The following LPP variants were observed in gnomAD, a reference collection of about 807,000 sequenced individuals.
The protein encoded by LPP is LIM domain containing preferred translocation partner in lipoma.
A neutral mutation model predicts 60.4 loss-of-function variants in LPP; 38 were observed. The ratio of observed to expected loss-of-function variants is 0.63; its 90% CI spans 0.49 to 0.83. The LOEUF (loss-of-function observed/expected upper bound fraction) is 0.83. LPP is among the 40% of genes least tolerant of loss of function. The pLI, the probability that LPP is intolerant of heterozygous loss-of-function variation, is 0.00. For missense variants in LPP, 902 were observed against 783.6 expected (o/e 1.15, Z -1.80); for synonymous variants, 328 against 290.8 (o/e 1.13, Z -1.30).
At chr3:188,566,614 G>T (rs920591019) in intron 6 of LPP, among the ~76,000 whole-genome samples, 1 of 151,794 alleles carries the variant, frequency 6.6e-6, no homozygotes, top group Non-Finnish European at 1.5e-5. Flanking sequence ...TTTCTGCTTA[G>T]TTCAAAAAGC....
intron 1 of LPP, among the ~76,000 whole-genome samples, chr3:188,193,078 G>A (rs921987186): frequency 1.3e-5 from 2 of 152,146 alleles, no homozygotes; most frequent in Non-Finnish European, 2.9e-5. Flanking sequence ...TTGTGACAGG[G>A]CTTTCTTAGA....
chr3:188,669,677 C>A (rs1856567446), intron 7 of LPP, among the ~76,000 whole-genome samples: 1 of 152,140 alleles, frequency 6.6e-6, no homozygotes, highest in African/African-American at 2.4e-5. Context: ...GGAGTTCAAC[C>A]ATTGTGGAAG....
At chr3:188,520,410 T>C (rs1818554088) in intron 5 of LPP, among the ~76,000 whole-genome samples, 1 of 152,208 alleles carries the variant, frequency 6.6e-6, no homozygotes, top group African/African-American at 2.4e-5. Context: ...GGGCCTTCTC[T>C]GCAACCATTT....
chr3:188,576,592 CAG>C (rs1252305912), intron 6 of LPP, among the ~76,000 whole-genome samples: 1 of 152,130 alleles, frequency 6.6e-6, no homozygotes, highest in East Asian at 1.9e-4. Context: ...ACCAAGTCAC[CAG>C]AGTCTCAGGG....
rs1033533229 is a variant in LPP at position 188,879,553 on chromosome 3, T to C, written c.*5074T>C. On this transcript the variant is annotated 3_prime_UTR_variant, in exon 12 of 12. Coordinates refer to ENST00000617246, the MANE Select transcript of LPP (RefSeq NM_001375462.1). ...TTTCATCAGGGACTGAGGTCATAGATTCTTGGAAAATTCATTTGTGACTGA... is the reference window on the plus strand; with the variant it reads ...TTTCATCAGGGACTGAGGTCATAGACTCTTGGAAAATTCATTTGTGACTGA... 3 of 193,128 alleles carry C rather than the reference T, an allele frequency of 1.6e-5. No individual in the cohort carries two copies. The highest frequency in any genetic ancestry group is 4.6e-5 in the African/African-American group (2 of 43,152). The allele number at this position is 193,128 out of a possible 1,614,324, so 12.0% of individuals were successfully genotyped here.
intron 7 of LPP, among the ~76,000 whole-genome samples, chr3:188,661,564 T>TTATTTGCC (rs1258669088): frequency 1.3e-5 from 2 of 152,224 alleles, no homozygotes; most frequent in Non-Finnish European, 2.9e-5. Context: ...GCTTATTTGC[T>TTATTTGCC]TATTTGCCAT....
intron 1 of LPP, among the ~76,000 whole-genome samples, chr3:188,206,074 A>C (rs1002812523): frequency 6.6e-6 from 1 of 152,314 alleles, no homozygotes; most frequent in East Asian, 1.9e-4. Flanking sequence ...ACGAGTCACG[A>C]GATGTGACGG....
chr3:188,404,843 GCGTCCCT>G (rs979786944), intron 3 of LPP, among the ~76,000 whole-genome samples: 3 of 152,168 alleles, frequency 2.0e-5, no homozygotes, highest in African/African-American at 7.2e-5. Flanking sequence ...TGCCTTCCGG[GCGTCCCT>G]GTGCTGGAGA....
intron 1 of LPP, among the ~76,000 whole-genome samples, chr3:188,161,290 G>A (rs1718186500): frequency 6.6e-6 from 1 of 152,202 alleles, no homozygotes; most frequent in Admixed American, 6.5e-5. Flanking sequence ...TTAGAAGGCT[G>A]CTGAAGTATT....
intron 4 of LPP, among the ~76,000 whole-genome samples, chr3:188,406,897 A>C (rs918348957): frequency 6.6e-6 from 1 of 152,172 alleles, no homozygotes; most frequent in African/African-American, 2.4e-5. Flanking sequence ...CAATGCATTC[A>C]GTTTACATCA....
At chr3:188,616,589 GT>G (rs71169013) in intron 7 of LPP, among the ~76,000 whole-genome samples, 148,227 of 152,026 alleles carry the variant, frequency 0.98, 72,360 homozygotes, top group South Asian at 1. Flanking sequence ...ATTTCTATGG[GT>G]TTTTTTTCAT....
intron 6 of LPP, among the ~76,000 whole-genome samples, chr3:188,589,186 A>G (rs1292583830): frequency 1.3e-5 from 2 of 151,996 alleles, no homozygotes; most frequent in East Asian, 1.9e-4. Context: ...TTGAGTGTAC[A>G]TGATGTGGTT....
chr3:188,798,869 A>T (rs1316477716), intron 9 of LPP, among the ~76,000 whole-genome samples: 5 of 152,224 alleles, frequency 3.3e-5, no homozygotes, highest in Admixed American at 6.5e-5. Flanking sequence ...AAACTTTATG[A>T]ACTCTGTCAC....
intron 4 of LPP, among the ~76,000 whole-genome samples, chr3:188,478,274 C>T (rs759895587): frequency 4.6e-5 from 7 of 152,044 alleles, no homozygotes; most frequent in Non-Finnish European, 4.4e-5. Context: ...ATCACTTGCA[C>T]GTAATTTAGC....
At chr3:188,475,565 T>C (rs1802938830) in intron 4 of LPP, among the ~76,000 whole-genome samples, 1 of 152,168 alleles carries the variant, frequency 6.6e-6, no homozygotes, top group African/African-American at 2.4e-5. Flanking sequence ...GGGACCATAT[T>C]ATAAGCACTA....
At chr3:188,786,239 C>T (rs1161272465) in intron 9 of LPP, among the ~76,000 whole-genome samples, 2 of 151,614 alleles carry the variant, frequency 1.3e-5, no homozygotes, top group African/African-American at 2.4e-5. Flanking sequence ...AAAAATTACC[C>T]GGGCATGGTG....
intron 2 of LPP, among the ~76,000 whole-genome samples, chr3:188,331,167 A>G (rs1331041829): frequency 6.6e-6 from 1 of 152,130 alleles, no homozygotes; most frequent in East Asian, 1.9e-4. Flanking sequence ...TAGGAGCCCC[A>G]TGGATATGTT....
chr3:188,208,604 A>T (rs1733914920), intron 1 of LPP, among the ~76,000 whole-genome samples: 1 of 152,230 alleles, frequency 6.6e-6, no homozygotes, highest in African/African-American at 2.4e-5. Context: ...CAAGGAAAAC[A>T]TCGCAGGCCA....
chr3:188,739,268 A>G (rs1723594999), intron 8 of LPP, among the ~76,000 whole-genome samples: 1 of 152,110 alleles, frequency 6.6e-6, no homozygotes, highest in Non-Finnish European at 1.5e-5. Flanking sequence ...CATTGGAAAA[A>G]GAAAAGGAAG....
Sources: gnomAD v4.1 joint callset for allele counts (sites outside exome capture counted in the v4.1 genomes callset) on GRCh38, gnomAD v4.1.1 for gene constraint, MANE v1.5 for transcripts, NCBI Gene and HGNC (gene_info 2026-07-23, HGNC 2026-07-21) for gene names.